The following ZNF608 variants were observed in gnomAD, a reference collection of about 807,000 sequenced individuals.
ZNF608 encodes the protein renal carcinoma antigen NY-REN-36.
A neutral mutation model predicts 109.0 loss-of-function variants in ZNF608; 12 were observed. The ratio of observed to expected loss-of-function variants is 0.11; its 90% CI spans 0.07 to 0.18. The LOEUF (loss-of-function observed/expected upper bound fraction) is 0.18, where lower values mean the gene tolerates loss of function less well. ZNF608 is among the 10% of genes least tolerant of loss of function. The pLI, the probability that ZNF608 is intolerant of heterozygous loss-of-function variation, is 1.00. For synonymous variants in ZNF608, 732 were observed against 717.4 expected (o/e 1.02, Z -0.33); for missense variants, 1,707 against 1,879.3 (o/e 0.91, Z 1.70).
intron 2 of ZNF608, among the ~76,000 whole-genome samples, chr5:124,741,224 C>T (rs954468052): frequency 5.3e-5 from 8 of 151,946 alleles, no homozygotes; most frequent in African/African-American, 1.9e-4. Context: ...AGGAGTAGAA[C>T]ACTCATTGAT....
rs778903745 is a variant in ZNF608, at chr5:124,643,683, C to T, written c.4124G>A (p.Gly1375Glu). ...ATGAAATCCTGGAGAGAGATATGCC[C>T]CTGCAGATAAACAACAAATGCCACA... ...VSPVLMHSYP[G>E]AYLSPGFHYP... The change falls in exon 7 of 10, where the codon GGG becomes GAG. Residue 1375 changes from glycine (G) to glutamate (E), a missense_variant and splice_region_variant. By Grantham distance (98) the Gly-to-Glu change is moderately conservative. Around this residue, in one of 7 missense-constraint regions of ZNF608, gnomAD observed 1,073 missense variants for 1,133.5 expected, o/e 0.95. Transcript: ENST00000513986. 1.2e-6 allele frequency: 2 copies of T among 1,613,686 alleles called. No individual in the cohort carries two copies. The highest frequency in any genetic ancestry group is 4.5e-5 in the East Asian group (2 of 44,876).
chr5:124,695,954 C>T (rs965266622), intron 3 of ZNF608, among the ~76,000 whole-genome samples: 6 of 152,078 alleles, frequency 3.9e-5, no homozygotes, highest in African/African-American at 1.4e-4. Flanking sequence ...GAGGCCAAGG[C>T]GGGTGGATCA....
chr5:124,708,624 T>C (rs1279061659), intron 2 of ZNF608: 1 of 436,974 alleles, frequency 2.3e-6, no homozygotes, highest in Non-Finnish European at 4.6e-6. Flanking sequence ...AGCTTTTGTT[T>C]TATTGTTGTT....
At chr5:124,645,874 T>C (rs1750474474) in intron 5 of ZNF608, among the ~76,000 whole-genome samples, 1 of 152,072 alleles carries the variant, frequency 6.6e-6, no homozygotes, top group Non-Finnish European at 1.5e-5. Flanking sequence ...TGAAAGAAAT[T>C]TGGGCCCCAA....
rs577584592 is a variant in ZNF608, at chr5:124,680,336, G to A, written c.1162+20678C>T. Reference sequence around the variant, plus strand: ...AAAATTTTCTTATTTGTAAAATGGGGATATTATGGCCACAAAAAAAAAAAA... The same window carrying A: ...AAAATTTTCTTATTTGTAAAATGGGAATATTATGGCCACAAAAAAAAAAAA... On this transcript the variant is annotated intron_variant, in intron 3 of 9. Transcript: ENST00000513986. Among the ~76,000 whole-genome samples, 9 of 143,134 alleles carry A rather than the reference G, an allele frequency of 6.3e-5. No individual in the cohort carries two copies. The East Asian group carries it at 1.2e-3, about 19-fold the overall frequency. 93.9% of individuals were successfully genotyped at this position (143,134 alleles called of 152,430 possible).
chr5:124,744,474 G>A lies in ZNF608; in HGVS notation c.516C>T (p.Thr172=). 3 of 1,614,226 alleles carry A rather than the reference G, an allele frequency of 1.9e-6. No individual in the cohort carries two copies. The South Asian group carries it at 3.3e-5, about 18-fold the overall frequency. ...CCCCCGCGGTGGCGGCAGAGGTGCT[G>A]GTGCTGGTACTATTGCTGTTTGGGT... is the stretch of plus-strand genomic sequence containing the variant. The part of the protein sequence containing the change: ...SGNPNSNSTS[T]STSAATAGAG... Residue 172 remains threonine, a synonymous_variant, in exon 2 of 10, where the codon ACC becomes ACT. Transcript: ENST00000513986. This position sits in a 1 kb window ranked among gnomAD's most constrained non-coding sequence, Gnocchi z 4.5.
At chr5:124,685,630 A>C (rs576141644) in intron 3 of ZNF608, among the ~76,000 whole-genome samples, 180 of 152,028 alleles carry the variant, frequency 1.2e-3, no homozygotes, top group African/African-American at 4.0e-3. Flanking sequence ...AAAAAAAAAA[A>C]AACAACAACA....
chr5:124,697,102 G>C (rs748229891), intron 3 of ZNF608, among the ~76,000 whole-genome samples: 3 of 151,706 alleles, frequency 2.0e-5, no homozygotes, highest in Non-Finnish European at 4.4e-5. Flanking sequence ...TTTCTTCATG[G>C]CTTTACTTAA....
chr5:124,726,518 A>G (rs1448910357), intron 2 of ZNF608, among the ~76,000 whole-genome samples: 1 of 152,030 alleles, frequency 6.6e-6, no homozygotes, highest in African/African-American at 2.4e-5. Flanking sequence ...ATTTCTTGCC[A>G]CTTCCCACCA....
Position 124,644,573 on chromosome 5 carries a change from T to A in ZNF608, c.3794A>T (p.Lys1265Ile), listed in dbSNP as rs1376556235. The change falls in exon 6 of 10, where the codon AAA (lysine) becomes ATA (isoleucine). Residue 1265 changes from lysine to isoleucine, a missense_variant. Coordinates refer to ENST00000513986, the MANE Select transcript of ZNF608 (RefSeq NM_020747.3). ...QKSEELDREK[K>I]LKEDSPRKTP... is the part of the protein sequence containing the mutation. ...TTTCCTCGGACTATCCTCTTTTAATTTCTTCTCTCTATCAAGTTCTTCTGA... is the reference window on the plus strand; with the variant it reads ...TTTCCTCGGACTATCCTCTTTTAATATCTTCTCTCTATCAAGTTCTTCTGA... The A allele has an allele frequency of 6.2e-7, 1 of 1,613,994 alleles. No individual in the cohort carries two copies. The highest frequency in any genetic ancestry group is 8.5e-7 in the Non-Finnish European group (1 of 1,179,994).
chr5:124,674,666 A>C (rs1285871353), intron 3 of ZNF608, among the ~76,000 whole-genome samples: 3 of 152,186 alleles, frequency 2.0e-5, no homozygotes, highest in Non-Finnish European at 4.4e-5. Flanking sequence ...TGTGGAGTGC[A>C]ATGGTATAAT....
chr5:124,677,882 C>G (rs954407437), intron 3 of ZNF608, among the ~76,000 whole-genome samples: 7 of 152,106 alleles, frequency 4.6e-5, no homozygotes, highest in Non-Finnish European at 1.0e-4. Context: ...AGGCCCCGAG[C>G]CAGAAACACT....
intron 2 of ZNF608, among the ~76,000 whole-genome samples, chr5:124,738,874 G>A (rs1208978323): frequency 6.6e-6 from 1 of 152,142 alleles, no homozygotes; most frequent in Non-Finnish European, 1.5e-5. Context: ...TACCCAGGCA[G>A]CCTAGAGCTG....
At chr5:124,663,296 T>C (rs541119509) in intron 3 of ZNF608, among the ~76,000 whole-genome samples, 1 of 152,300 alleles carries the variant, frequency 6.6e-6, no homozygotes, top group African/African-American at 2.4e-5. Context: ...CAAACAGGCC[T>C]CTCAGGGGAG....
chr5:124,715,524 T>A (rs1580682997), intron 2 of ZNF608, among the ~76,000 whole-genome samples: 1 of 152,340 alleles, frequency 6.6e-6, no homozygotes, highest in East Asian at 1.9e-4. Flanking sequence ...TTTAGCATTA[T>A]CTAGACTACA....
chr5:124,736,302 T>C (rs897888330), intron 2 of ZNF608, among the ~76,000 whole-genome samples: 5 of 152,212 alleles, frequency 3.3e-5, no homozygotes, highest in African/African-American at 1.2e-4. Flanking sequence ...TAAACAGTTC[T>C]CCATGAAGAA....
upstream of ZNF608, chr5:124,746,733 G>A: frequency 1.0e-6 from 1 of 985,226 alleles, no homozygotes; most frequent in Non-Finnish European, 1.2e-6. Flanking sequence ...CCGCCTGTTA[G>A]TCGGGAAGTG....
At chr5:124,677,440 C>T (rs1315529554) in intron 3 of ZNF608, among the ~76,000 whole-genome samples, 2 of 152,174 alleles carry the variant, frequency 1.3e-5, no homozygotes, top group Non-Finnish European at 2.9e-5. Context: ...ACATAGGACA[C>T]AGCACAGGGT....
chr5:124,668,231 A>T (rs192720624), intron 3 of ZNF608, among the ~76,000 whole-genome samples: 1,546 of 145,274 alleles, frequency 0.011, 29 homozygotes, highest in African/African-American at 0.037. Flanking sequence ...ATATATATAT[A>T]TTTTATATAT....
Sources: gnomAD v4.1 joint callset for allele counts (sites outside exome capture counted in the v4.1 genomes callset) on GRCh38, gnomAD v4.1.1 for gene constraint, gnomAD v4.1.1 regional missense constraint, Gnocchi (gnomAD v3.1) non-coding constraint, MANE v1.5 for transcripts, NCBI Gene and HGNC (gene_info 2026-07-23, HGNC 2026-07-21) for gene names.